Variants in CTNND2 observed in about 807,000 individuals in gnomAD.
CTNND2 encodes catenin delta 2, also known as catenin delta-2.
In CTNND2, 22 loss-of-function variants were observed where a neutral mutation model predicts 144.4. That is an observed-to-expected ratio of 0.15 (90% CI 0.11 to 0.22). The LOEUF is 0.22. CTNND2 is among the 10% of genes least tolerant of loss of function. CTNND2 has a pLI of 1.00. For missense variants in CTNND2, 1,353 were observed against 1,618.8 expected, an observed-to-expected ratio of 0.84 and a Z score of 2.82; for synonymous variants, 751 against 695.6, an observed-to-expected ratio of 1.08 and a Z score of -1.25.
intron 9 of CTNND2, among the ~76,000 whole-genome samples, chr5:11,239,424 T>C (rs530381463): frequency 4.6e-5 from 7 of 152,282 alleles, no homozygotes; most frequent in African/African-American, 1.4e-4. Flanking sequence ...CCAAAACCTC[T>C]GGAATCCCAA....
intron 12 of CTNND2, among the ~76,000 whole-genome samples, chr5:11,153,820 A>G (rs187028087): frequency 4.3e-4 from 65 of 152,356 alleles, no homozygotes; most frequent in Middle Eastern, 6.8e-3. Context: ...GCACCGGGAA[A>G]TGAGCTGTGG....
chr5:10,995,847 T>A (rs559188186), intron 18 of CTNND2, among the ~76,000 whole-genome samples: 5 of 152,076 alleles, frequency 3.3e-5, no homozygotes, highest in African/African-American at 1.2e-4. Flanking sequence ...GTAGATGGGG[T>A]GACAGGAAGA....
intron 18 of CTNND2, among the ~76,000 whole-genome samples, chr5:11,000,018 G>A (rs1032789694): frequency 2.0e-5 from 3 of 152,222 alleles, no homozygotes; most frequent in African/African-American, 7.2e-5. Context: ...CTGTTTAGTT[G>A]ATACAGGTCT....
chr5:11,590,530 T>C (rs1007717465), intron 2 of CTNND2, among the ~76,000 whole-genome samples: 1 of 152,152 alleles, frequency 6.6e-6, no homozygotes, highest in Non-Finnish European at 1.5e-5. Context: ...CTTGTGATAA[T>C]GTACTTTGTG....
intron 1 of CTNND2, among the ~76,000 whole-genome samples, chr5:11,878,073 G>A (rs1735694863): frequency 6.6e-6 from 1 of 152,018 alleles, no homozygotes; most frequent in African/African-American, 2.4e-5. Context: ...GTGTGGTACA[G>A]AATAGCTTAA....
At chr5:11,808,132 T>C (rs1792111139) in intron 1 of CTNND2, among the ~76,000 whole-genome samples, 1 of 152,222 alleles carries the variant, frequency 6.6e-6, no homozygotes, top group African/African-American at 2.4e-5. Context: ...TAAAAGCATA[T>C]GGCCACTTCC....
At chr5:11,636,924 C>T (rs188429781) in intron 2 of CTNND2, among the ~76,000 whole-genome samples, 1 of 152,184 alleles carries the variant, frequency 6.6e-6, no homozygotes, top group African/African-American at 2.4e-5. Context: ...ATTTATTTCT[C>T]TGAGTTCCAA....
At chr5:11,582,113 C>G (rs1314360061) in intron 2 of CTNND2, among the ~76,000 whole-genome samples, 1 of 152,160 alleles carries the variant, frequency 6.6e-6, no homozygotes, top group Non-Finnish European at 1.5e-5. Flanking sequence ...TTCTGCTCAT[C>G]TGGTCTGCAT....
intron 10 of CTNND2, among the ~76,000 whole-genome samples, chr5:11,227,932 C>T (rs1460337943): frequency 6.6e-6 from 1 of 152,160 alleles, no homozygotes; most frequent in African/African-American, 2.4e-5. Context: ...TAAGACTTAG[C>T]ATGGCCATCA....
chr5:11,371,393 A>G (rs1757467507), intron 7 of CTNND2, among the ~76,000 whole-genome samples: 1 of 152,238 alleles, frequency 6.6e-6, no homozygotes, highest in African/African-American at 2.4e-5. Flanking sequence ...AGAGGTGCAA[A>G]TATTACATCT....
intron 12 of CTNND2, among the ~76,000 whole-genome samples, chr5:11,145,254 C>G (rs925285059): frequency 3.3e-5 from 5 of 151,658 alleles, no homozygotes; most frequent in African/African-American, 9.7e-5. Flanking sequence ...TCATCTAAAT[C>G]AAAGCAAAAA....
chr5:11,017,923 G>T, intron 18 of CTNND2, 51 bp downstream of exon 18: 1 of 1,435,126 alleles, frequency 7.0e-7, no homozygotes, highest in Non-Finnish European at 9.8e-7. Flanking sequence ...ACGCCTCTCA[G>T]GGTCCCGTGT....
chr5:11,487,926 T>C (rs1028084056), intron 3 of CTNND2, among the ~76,000 whole-genome samples: 4 of 152,088 alleles, frequency 2.6e-5, no homozygotes, highest in Admixed American at 6.6e-5. Flanking sequence ...CAGCATACCA[T>C]TGCAGGAGGC....
intron 1 of CTNND2, among the ~76,000 whole-genome samples, chr5:11,772,407 T>C (rs551891396): frequency 1.3e-5 from 2 of 152,282 alleles, no homozygotes; most frequent in South Asian, 2.1e-4. Flanking sequence ...GAAATTTAGA[T>C]AGGCGTTCTA....
At chr5:11,758,071 T>A (rs1789049410) in intron 1 of CTNND2, among the ~76,000 whole-genome samples, 1 of 151,990 alleles carries the variant, frequency 6.6e-6, no homozygotes, top group Non-Finnish European at 1.5e-5. Context: ...TACATCCTAT[T>A]ACAAAACAAT....
At chr5:11,260,552 C>T (rs1744755866) in intron 9 of CTNND2, among the ~76,000 whole-genome samples, 1 of 152,148 alleles carries the variant, frequency 6.6e-6, no homozygotes, top group African/African-American at 2.4e-5. Context: ...ACAGAAAATT[C>T]ATCTGTGAGG....
intron 3 of CTNND2, 59 bp from the exon 4 acceptor site, chr5:11,412,128 T>A (rs1761595210): frequency 1.4e-6 from 2 of 1,395,342 alleles, no homozygotes; most frequent in Admixed American, 1.7e-5. Flanking sequence ...AATAAAACCC[T>A]AAAATCTAAG....
At chr5:11,844,092 G>A (rs1794620913) in intron 1 of CTNND2, among the ~76,000 whole-genome samples, 1 of 152,144 alleles carries the variant, frequency 6.6e-6, no homozygotes, top group South Asian at 2.1e-4. Context: ...GGCATTGGCT[G>A]TTATACTGAT....
chr5:11,095,709 G>C (rs964029599), intron 15 of CTNND2, among the ~76,000 whole-genome samples: 2 of 152,202 alleles, frequency 1.3e-5, no homozygotes, highest in African/African-American at 4.8e-5. Flanking sequence ...TAGTGCCACT[G>C]ATCCTTAAAT....
Sources: gnomAD v4.1 joint callset for allele counts (sites outside exome capture counted in the v4.1 genomes callset) on GRCh38, gnomAD v4.1.1 for gene constraint, MANE v1.5 for transcripts, NCBI Gene and HGNC (gene_info 2026-07-23, HGNC 2026-07-21) for gene names.